WNT2B: variants seen among roughly 807,000 people sequenced by gnomAD.
WNT2B encodes protein Wnt-2b.
WNT2B carries 19 observed loss-of-function variants against 40.5 expected under a neutral mutation model. The ratio of observed to expected loss-of-function variants is 0.47; its 90% CI spans 0.33 to 0.69. The LOEUF (loss-of-function observed/expected upper bound fraction) is 0.69. Ranked by LOEUF, WNT2B falls within the 30% of genes least tolerant of loss-of-function variation. WNT2B has a pLI of 0.02. For missense variants in WNT2B, 467 were observed against 556.4 expected (o/e 0.84, Z 1.62); for synonymous variants, 220 against 211.9 (o/e 1.04, Z -0.33).
At chr1:112,504,085 C>T (rs72993043), upstream of WNT2B, among the ~76,000 whole-genome samples, 19,257 of 131,842 alleles carry the variant, frequency 0.15, 2,931 homozygotes, top group African/African-American at 0.39. Context: ...ACTGGGAACC[C>T]TCCCTTGGGG....
Position 112,509,022 on chromosome 1 carries a change from C to T in WNT2B, c.-241C>T, listed in dbSNP as rs1459350660. On this transcript the variant is annotated 5_prime_UTR_variant, in exon 1 of 5. Transcript: ENST00000369684. The surrounding 1 kb of genome is among the most constrained non-coding windows in gnomAD (Gnocchi z 4.2). ...CAGACCCCCTGACACCGCACCCGGT[C>T]CTCAGGCAGCGCGCCCCAGACCCCG... 1.9e-5 allele frequency: 25 copies of T among 1,350,544 alleles called. No homozygotes were observed. The highest frequency in any genetic ancestry group is 1.9e-5 in the Non-Finnish European group (20 of 1,060,760). The allele number at this position is 1,350,544 out of a possible 1,614,324, so 83.7% of individuals were successfully genotyped here. A position where few individuals can be genotyped will look rare whatever the true frequency, so the allele number is the denominator to read the frequency against.
At position 112,523,508 on chromosome 1, in the gene WNT2B, C is replaced by T. The variant is rs1652994372; in HGVS notation, c.*2999C>T. The stretch of plus-strand genomic sequence containing the variant: ...ATTTAGTCTGCATTACACAAATAGA[C>T]ACTAATTTATTTGGAACAAGCAGCA... On this transcript the variant is annotated 3_prime_UTR_variant, in exon 5 of 5. Transcript: ENST00000369684. 1 of 152,122 alleles carries T rather than the reference C, an allele frequency of 6.6e-6. No homozygotes were observed. The allele number at this position is 152,122 out of a possible 1,614,324, so 9.4% of individuals were successfully genotyped here.
rs1357848164 is a variant in WNT2B at position 112,509,362 on chromosome 1, C to A, written c.100C>A (p.Arg34=). The change falls in exon 1 of 5, where the codon CGG becomes AGG. Residue 34 remains arginine (R), a synonymous_variant. Transcript: ENST00000369684. The surrounding 1 kb of genome is among the most constrained non-coding windows in gnomAD (Gnocchi z 4.2). Reference sequence around the variant, plus strand: ...GTCGCCCGCGGCCCCCGACGGCTCCCGGGCTTCGGCCCGCCTAGGTCTTGC... The same window carrying A: ...GTCGCCCGCGGCCCCCGACGGCTCCAGGGCTTCGGCCCGCCTAGGTCTTGC... ...VPSPAAPDGS[R]ASARLGLACL... 1.3e-6 allele frequency: 2 copies of A among 1,595,578 alleles called. No individual in the cohort carries two copies. Among genetic ancestry groups the A allele is most frequent in the African/African-American group, 2.7e-5 (2 of 73,448 alleles).
chr1:112,467,680 G>C (rs1056529959), intron 1 of WNT2B: 1 of 704,630 alleles, frequency 1.4e-6, no homozygotes, highest in Non-Finnish European at 2.6e-6. Context: ...ATATTTATGG[G>C]GTATATATGA....
At chr1:112,513,550 G>A (rs539859277) in intron 1 of WNT2B, among the ~76,000 whole-genome samples, 2 of 149,312 alleles carry the variant, frequency 1.3e-5, no homozygotes, top group African/African-American at 2.5e-5. Flanking sequence ...ATGCAGGGGG[G>A]TGGTGGGGGG....
At chr1:112,482,780 G>A (rs984273351) in intron 1 of WNT2B, among the ~76,000 whole-genome samples, 38 of 152,064 alleles carry the variant, frequency 2.5e-4, no homozygotes, top group African/African-American at 8.7e-4. Context: ...AAACATTGAA[G>A]GAAATTAAAT....
intron 1 of WNT2B, among the ~76,000 whole-genome samples, chr1:112,492,754 T>C (rs182939336): frequency 4.1e-4 from 62 of 152,300 alleles, no homozygotes; most frequent in African/African-American, 1.4e-3. Flanking sequence ...AGCCTTTACA[T>C]TGGGGAAGGG....
upstream of WNT2B, among the ~76,000 whole-genome samples, chr1:112,505,284 C>T (rs1457199253): frequency 6.6e-6 from 1 of 152,250 alleles, no homozygotes; most frequent in Non-Finnish European, 1.5e-5. Context: ...GCAGCATGCA[C>T]CCTTGAACTT....
rs1056239091 is a variant in WNT2B at position 112,517,314 on chromosome 1, G to A, written c.875G>A (p.Arg292His). 10 of 1,614,174 alleles carry A rather than the reference G, an allele frequency of 6.2e-6. No individual in the cohort carries two copies. The East Asian group carries it at 6.7e-5, about 11-fold the overall frequency. Reference sequence around the variant, plus strand: ...TTCACCGCAGCCCGCCAAGGCTATCGCCGTGCCACCCGGACTGATCTTGTC... The same window carrying A: ...TTCACCGCAGCCCGCCAAGGCTATCACCGTGCCACCCGGACTGATCTTGTC... ...ANFTAARQGYRRATRTDLVYF... is the reference protein window; with the variant it reads ...ANFTAARQGYHRATRTDLVYF... The change falls in exon 4 of 5, where the codon CGC (arginine) becomes CAC (histidine). Residue 292 changes from arginine to histidine, a missense_variant. Around this residue, in one of 2 missense-constraint regions of WNT2B, gnomAD observed 330 missense variants for 438.6 expected, o/e 0.75. Coordinates refer to ENST00000369684, the MANE Select transcript of WNT2B (RefSeq NM_024494.3).
chr1:112,472,726 G>T (rs149885127), intron 1 of WNT2B, among the ~76,000 whole-genome samples: 1 of 152,080 alleles, frequency 6.6e-6, no homozygotes, highest in African/African-American at 2.4e-5. Flanking sequence ...GAAAAATATG[G>T]CAAATAATTA....
chr1:112,512,429 T>C (rs1317407835), intron 1 of WNT2B, among the ~76,000 whole-genome samples: 2 of 152,366 alleles, frequency 1.3e-5, no homozygotes, highest in East Asian at 3.9e-4. Context: ...CCTGAATGTC[T>C]GCATTTCTAA....
In WNT2B at chr1:112,512,400, C is replaced by T. The variant is rs529548723; in HGVS notation, c.183-2474C>T. 5.6e-4 allele frequency among the ~76,000 whole-genome samples: 86 copies of T among 152,284 alleles called. 2 individuals carry two copies. In the South Asian group the frequency reaches 0.016, roughly 29 times the overall value. On this transcript the variant is annotated intron_variant, in intron 1 of 4. Transcript: ENST00000369684. ...TCATGGTGAAATGCAGATTCTGTTA[C>T]GGTAGGCCTTGGGTGGGGCCTGAAT... is the stretch of plus-strand genomic sequence containing the variant.
At position 112,509,243 on chromosome 1, in the gene WNT2B, G is replaced by A; in HGVS notation, c.-20G>A. ...CGTCCACGCCCCTCCGGGCTGCGCG[G>A]CGGGAGTCTTCGGGGAGCTATGCTG... On this transcript the variant is annotated 5_prime_UTR_variant, in exon 1 of 5. Coordinates refer to ENST00000369684, the MANE Select transcript of WNT2B (RefSeq NM_024494.3). The surrounding 1 kb of genome is among the most constrained non-coding windows in gnomAD (Gnocchi z 4.2). 6.6e-7 allele frequency: 1 copy of A among 1,503,832 alleles called. No individual in the cohort carries two copies. Among genetic ancestry groups the A allele is most frequent in the Non-Finnish European group, 8.8e-7 (1 of 1,133,666 alleles). 93.2% of individuals were successfully genotyped at this position (1,503,832 alleles called of 1,614,324 possible). A position where few individuals can be genotyped will look rare whatever the true frequency, so the allele number is the denominator to read the frequency against.
rs1483543646 is a variant in WNT2B, at chr1:112,475,642, A to C, written c.-95+8051A>C. Among the ~76,000 whole-genome samples, 4 of 152,194 alleles carry C rather than the reference A, an allele frequency of 2.6e-5. No individual in the cohort carries two copies. In the East Asian group the frequency reaches 7.7e-4, roughly 29 times the overall value. On this transcript the variant is annotated intron_variant, in intron 1 of 4. Transcript: ENST00000256640. ...ATAATATCACATGAAGCTAGACCAC[A>C]ATAAGTTAAAGATGTACACAATGAG...
rs867549689 is a variant in WNT2B, at chr1:112,529,689, A to G, written c.*9180A>G. 1 of 151,884 alleles carries G rather than the reference A, an allele frequency of 6.6e-6. No homozygotes were observed. The highest frequency in any genetic ancestry group is 6.6e-5 in the Admixed American group (1 of 15,254). 9.4% of individuals were successfully genotyped at this position (151,884 alleles called of 1,614,324 possible). A position where few individuals can be genotyped will look rare whatever the true frequency, so the allele number is the denominator to read the frequency against. On this transcript the variant is annotated 3_prime_UTR_variant, in exon 5 of 5. Transcript: ENST00000369684. ...TCAAAATGCAATTTTAAAAAATTCA[A>G]TATGGAACTTGAGGCCAAAAAAACA... is the stretch of plus-strand genomic sequence containing the variant.
At chr1:112,495,835 G>A (rs1450297107) in intron 1 of WNT2B, among the ~76,000 whole-genome samples, 1 of 152,212 alleles carries the variant, frequency 6.6e-6, no homozygotes, top group African/African-American at 2.4e-5. Context: ...TGCAGGCTGG[G>A]AAGTCCAAGA....
upstream of WNT2B, among the ~76,000 whole-genome samples, chr1:112,507,999 C>A (rs909346945): frequency 6.6e-6 from 1 of 152,106 alleles, no homozygotes; most frequent in African/African-American, 2.4e-5. Context: ...CTCCCCACCC[C>A]TTCCCTATTT....
rs1652891788 is a variant in WNT2B, at chr1:112,521,693, C to G, written c.*1184C>G. Reference sequence around the variant, plus strand: ...TCCTAGTGATTATTATTATTGTTCACTCCACATTTGGCTTAATGGGTAATG... The same window carrying G: ...TCCTAGTGATTATTATTATTGTTCAGTCCACATTTGGCTTAATGGGTAATG... On this transcript the variant is annotated 3_prime_UTR_variant, in exon 5 of 5. Coordinates refer to ENST00000369684, the MANE Select transcript of WNT2B (RefSeq NM_024494.3). The G allele has an allele frequency of 6.6e-6, 1 of 152,178 alleles. No individual in the cohort carries two copies. Among genetic ancestry groups the G allele is most frequent in the Admixed American group, 6.5e-5 (1 of 15,274 alleles). The allele number at this position is 152,178 out of a possible 1,614,324, so 9.4% of individuals were successfully genotyped here. A position where few individuals can be genotyped will look rare whatever the true frequency, so the allele number is the denominator to read the frequency against.
chr1:112,510,548 C>T (rs962809931), intron 1 of WNT2B, among the ~76,000 whole-genome samples: 1 of 152,166 alleles, frequency 6.6e-6, no homozygotes, highest in Non-Finnish European at 1.5e-5. Flanking sequence ...GGCTTTTCTC[C>T]TCTTGACTTG....
Sources: gnomAD v4.1 joint callset for allele counts (sites outside exome capture counted in the v4.1 genomes callset) on GRCh38, gnomAD v4.1.1 for gene constraint, gnomAD v4.1.1 regional missense constraint, Gnocchi (gnomAD v3.1) non-coding constraint, MANE v1.5 for transcripts, NCBI Gene and HGNC (gene_info 2026-07-23, HGNC 2026-07-21) for gene names.